Variants in CLEC2D observed in about 807,000 individuals in gnomAD.
CLEC2D encodes C-type lectin related f.
A neutral mutation model predicts 20.0 loss-of-function variants in CLEC2D; 16 were observed. That is an observed-to-expected ratio of 0.80 (90% CI 0.54 to 1.22). The LOEUF (loss-of-function observed/expected upper bound fraction) is 1.22. Ranked by LOEUF, CLEC2D falls within the 50% of genes most tolerant of loss-of-function variation. CLEC2D has a pLI of 0.00. For missense variants in CLEC2D, 207 were observed against 221.5 expected (o/e 0.93, Z 0.42); for synonymous variants, 77 against 71.1 (o/e 1.08, Z -0.42).
chr12:9,692,928 G>C lies in CLEC2D; in HGVS notation c.458G>C (p.Arg153Thr). 6.2e-7 allele frequency: 1 copy of C among 1,610,780 alleles called. No individual in the cohort carries two copies. The highest frequency in any genetic ancestry group is 1.1e-5 in the South Asian group (1 of 90,996). Residue 153 changes from arginine (R) to threonine (T), a missense_variant, in exon 4 of 5, where the codon AGA becomes ACA. Transcript: ENST00000290855. ...TGGATAAATGGTACTGAATGGACAA[G>C]ACAGTAAGTTCTAAAAATCTGGCAG... ...WKWINGTEWTRQFPILGAGEC... is the reference protein window; with the variant it reads ...WKWINGTEWTTQFPILGAGEC...
At position 9,697,329 on chromosome 12, in the gene CLEC2D, G is replaced by A. The variant is rs1210435305; in HGVS notation, c.*2455G>A. 6.6e-6 allele frequency: 1 copy of A among 152,232 alleles called. No homozygotes were observed. Among genetic ancestry groups the A allele is most frequent in the Admixed American group, 6.5e-5 (1 of 15,278 alleles). 9.4% of individuals were successfully genotyped at this position (152,232 alleles called of 1,614,324 possible). On this transcript the variant is annotated 3_prime_UTR_variant, in exon 5 of 5. Transcript: ENST00000290855. ...TGAGCGATCTGTGCCTTAAGGACAT[G>A]TTCCTGCTGCAGTTAACTAGCCCAA...
chr12:9,692,884 A>G lies in CLEC2D; in HGVS notation c.414A>G (p.Glu138=), dbSNP rs768144327. ...PSDHWIGLSR[E]QGQPWKWING... is the part of the protein sequence containing the mutation. ...ATCACTGGATTGGGCTGAGCAGAGA[A>G]CAAGGCCAACCATGGAAATGGATAA... Residue 138 remains glutamate (E), a synonymous_variant, in exon 4 of 5, where the codon GAA becomes GAG. Transcript: ENST00000290855. 6.2e-7 allele frequency: 1 copy of G among 1,613,846 alleles called. No individual in the cohort carries two copies.
intron 4 of CLEC2D, 55 bp downstream of exon 4, chr12:9,692,986 A>G: frequency 5.6e-6 from 9 of 1,599,348 alleles, no homozygotes; most frequent in Non-Finnish European, 6.9e-6. Flanking sequence ...TTTGCATTAA[A>G]TCTGAAGTGT....
Position 9,695,193 on chromosome 12 carries a change from T to G in CLEC2D, c.*319T>G. On this transcript the variant is annotated 3_prime_UTR_variant, in exon 5 of 5. Coordinates refer to ENST00000290855, the MANE Select transcript of CLEC2D (RefSeq NM_013269.6). ...GACAGAAGGCAAATGGGAAGCAAAG[T>G]CATGTCTTATGTGGTGGCAGGCAGG... 1 of 592,516 alleles carries G rather than the reference T, an allele frequency of 1.7e-6. No individual in the cohort carries two copies. The highest frequency in any genetic ancestry group is 3.0e-6 in the Non-Finnish European group (1 of 332,612). The allele number at this position is 592,516 out of a possible 1,614,324, so 36.7% of individuals were successfully genotyped here.
chr12:9,678,948 G>A (rs1209287303), intron 1 of CLEC2D, among the ~76,000 whole-genome samples: 1 of 151,978 alleles, frequency 6.6e-6, no homozygotes, highest in Non-Finnish European at 1.5e-5. Context: ...TGTGATTTTA[G>A]TGGTTACCCT....
chr12:9,681,287 T>C (rs7310897), intron 2 of CLEC2D, among the ~76,000 whole-genome samples: 129,840 of 152,038 alleles, frequency 0.85, 56,051 homozygotes, highest in East Asian at 0.97. Context: ...AGAATATTGA[T>C]GCAAAAATTA....
chr12:9,683,693 G>A (rs1253527399), intron 2 of CLEC2D, among the ~76,000 whole-genome samples: 3 of 152,002 alleles, frequency 2.0e-5, no homozygotes, highest in South Asian at 4.2e-4. Context: ...TAGATGTTGG[G>A]TGTTATTTCT....
chr12:9,686,366 A>T (rs1465952778), intron 2 of CLEC2D, among the ~76,000 whole-genome samples: 4 of 152,108 alleles, frequency 2.6e-5, no homozygotes, highest in African/African-American at 9.6e-5. Flanking sequence ...AGCACAACAA[A>T]TATGCACAGA....
At chr12:9,672,467 G>T (rs1865443951) in intron 1 of CLEC2D, among the ~76,000 whole-genome samples, 1 of 152,224 alleles carries the variant, frequency 6.6e-6, no homozygotes, top group Admixed American at 6.5e-5. Context: ...ACTTCCCTTT[G>T]TCAGTGACCT....
intron 2 of CLEC2D, among the ~76,000 whole-genome samples, chr12:9,687,555 C>T (rs1370445771): frequency 6.6e-6 from 1 of 152,190 alleles, no homozygotes; most frequent in African/African-American, 2.4e-5. Flanking sequence ...GGAGAACTAT[C>T]TGTTCTCCAA....
At chr12:9,676,555 C>T (rs1225977332) in intron 1 of CLEC2D, among the ~76,000 whole-genome samples, 1 of 152,012 alleles carries the variant, frequency 6.6e-6, no homozygotes, top group Non-Finnish European at 1.5e-5. Context: ...TCTTTTTATA[C>T]ATCATTGGAT....
At position 9,695,305 on chromosome 12, in the gene CLEC2D, C is replaced by T. The variant is rs1865957392; in HGVS notation, c.*431C>T. On this transcript the variant is annotated 3_prime_UTR_variant, in exon 5 of 5. Coordinates refer to ENST00000290855, the MANE Select transcript of CLEC2D (RefSeq NM_013269.6). ...ATGGGGCTCCCTGGTGTGATTCCGT[C>T]CTGCGCGGCTGTTCTCTGGAGCAGC... 1 of 773,966 alleles carries T rather than the reference C, an allele frequency of 1.3e-6. No homozygotes were observed. The highest frequency in any genetic ancestry group is 1.4e-5 in the South Asian group (1 of 71,724). The allele number at this position is 773,966 out of a possible 1,614,324, so 47.9% of individuals were successfully genotyped here.
At position 9,696,258 on chromosome 12, in the gene CLEC2D, A is replaced by C; in HGVS notation, c.*1384A>C. 2 of 777,036 alleles carry C rather than the reference A, an allele frequency of 2.6e-6. No individual in the cohort carries two copies. The highest frequency in any genetic ancestry group is 1.4e-5 in the South Asian group (1 of 73,982). 48.1% of individuals were successfully genotyped at this position (777,036 alleles called of 1,614,324 possible). ...AAAATAGTTTAAACAATTTGTTAAA[A>C]ATTTTCCATCTTATTTCATTTCTGT... On this transcript the variant is annotated 3_prime_UTR_variant, in exon 5 of 5. Coordinates refer to ENST00000290855, the MANE Select transcript of CLEC2D (RefSeq NM_013269.6).
chr12:9,685,864 G>A (rs1865736430), intron 2 of CLEC2D, among the ~76,000 whole-genome samples: 1 of 152,102 alleles, frequency 6.6e-6, no homozygotes, highest in East Asian at 1.9e-4. Context: ...CAGAGTGAAT[G>A]ATTCTGTCTC....
rs1239689162 is a variant in CLEC2D at position 9,695,519 on chromosome 12, C to T, written c.*645C>T. Reference sequence around the variant, plus strand: ...AAATGAGACCAGTTATCTTTAAGAACGGTCAGCTCAGGGGCTGGTGCAAAG... The same window carrying T: ...AAATGAGACCAGTTATCTTTAAGAATGGTCAGCTCAGGGGCTGGTGCAAAG... On this transcript the variant is annotated 3_prime_UTR_variant, in exon 5 of 5. Transcript: ENST00000290855. 60 of 1,252,080 alleles carry T rather than the reference C, an allele frequency of 4.8e-5. No individual in the cohort carries two copies. In the East Asian group the frequency reaches 9.0e-4, roughly 19 times the overall value. 77.6% of individuals were successfully genotyped at this position (1,252,080 alleles called of 1,614,324 possible). A position where few individuals can be genotyped will look rare whatever the true frequency, so the allele number is the denominator to read the frequency against.
At chr12:9,674,949 C>G (rs987819477) in intron 1 of CLEC2D, among the ~76,000 whole-genome samples, 1 of 151,950 alleles carries the variant, frequency 6.6e-6, no homozygotes, top group Non-Finnish European at 1.5e-5. Context: ...TTGTGTTTTA[C>G]CTTTAGGACT....
rs370139708 is a variant in CLEC2D, at chr12:9,687,930, A to G, written c.201A>G (p.Pro67=). The change falls in exon 3 of 5, where the codon CCA becomes CCG. Residue 67 remains proline (P), a synonymous_variant. Coordinates refer to ENST00000290855, the MANE Select transcript of CLEC2D (RefSeq NM_013269.6). ...SAIRANCHQE[P]SVCLQAACPE... ...TAAGAGCTAACTGCCATCAAGAGCCATCAGTATGTCTTCAAGCTGCATGCC... is the reference window on the plus strand; with the variant it reads ...TAAGAGCTAACTGCCATCAAGAGCCGTCAGTATGTCTTCAAGCTGCATGCC... The G allele has an allele frequency of 6.2e-7, 1 of 1,602,608 alleles. No homozygotes were observed. Among genetic ancestry groups the G allele is most frequent in the East Asian group, 2.3e-5 (1 of 43,900 alleles).
At chr12:9,671,279 A>G (rs1378225889) in intron 1 of CLEC2D, among the ~76,000 whole-genome samples, 1 of 152,156 alleles carries the variant, frequency 6.6e-6, no homozygotes, top group African/African-American at 2.4e-5. Context: ...GCTGGAGTGC[A>G]GTGGCGCGAT....
At position 9,685,077 on chromosome 12, in the gene CLEC2D, A is replaced by G. The variant is rs1217984587; in HGVS notation, c.173-2825A>G. On this transcript the variant is annotated intron_variant, in intron 2 of 4. Transcript: ENST00000290855. Reference sequence around the variant, plus strand: ...TTCAGAACCTGTTATTGGTCTATTCAGGAATCTGATTTCTTCCTGGTTTAG... The same window carrying G: ...TTCAGAACCTGTTATTGGTCTATTCGGGAATCTGATTTCTTCCTGGTTTAG... 2.0e-5 allele frequency among the ~76,000 whole-genome samples: 3 copies of G among 152,354 alleles called. No homozygotes were observed. In the East Asian group the frequency reaches 5.8e-4, roughly 29 times the overall value.
Sources: gnomAD v4.1 joint callset for allele counts (sites outside exome capture counted in the v4.1 genomes callset) on GRCh38, gnomAD v4.1.1 for gene constraint, MANE v1.5 for transcripts, NCBI Gene and HGNC (gene_info 2026-07-23, HGNC 2026-07-21) for gene names.